Variants in RPSA2 observed in about 807,000 individuals in gnomAD.
The protein encoded by RPSA2 is ribosomal protein SA 2.
the RPSA2 span, among the ~76,000 whole-genome samples, chr19:23,768,789 T>A: frequency 2.7e-5 from 4 of 150,180 alleles, no homozygotes; most frequent in East Asian, 6.2e-4. Flanking sequence ...GGTTTCACCA[T>A]GTTGGCCAGG....
the RPSA2 span, among the ~76,000 whole-genome samples, chr19:23,851,468 T>A: frequency 0.015 from 2,358 of 152,250 alleles, 78 homozygotes; most frequent in African/African-American, 0.053. Flanking sequence ...ATGTGAAATA[T>A]AGAAAGGGTG....
chr19:23,807,466 T>C, the RPSA2 span, among the ~76,000 whole-genome samples: 1 of 152,348 alleles, frequency 6.6e-6, no homozygotes, highest in Admixed American at 6.5e-5. Flanking sequence ...CTATTTTGTC[T>C]GAAAAATGTA....
the RPSA2 span, among the ~76,000 whole-genome samples, chr19:23,858,798 C>A: frequency 6.6e-6 from 1 of 152,180 alleles, no homozygotes; most frequent in African/African-American, 2.4e-5. Flanking sequence ...GGCAAATGCT[C>A]CGTTTGCATA....
chr19:23,867,553 G>A, the RPSA2 span, among the ~76,000 whole-genome samples: 16 of 152,088 alleles, frequency 1.1e-4, no homozygotes, highest in East Asian at 1.9e-4. Flanking sequence ...GACTGGGGCC[G>A]GGTGCGGTGG....
chr19:23,853,190 C>T, the RPSA2 span, among the ~76,000 whole-genome samples: 13 of 152,174 alleles, frequency 8.5e-5, no homozygotes, highest in East Asian at 3.8e-4. Context: ...TTTCACAATA[C>T]GATTTATGTA....
chr19:23,846,870 G>A, the RPSA2 span, among the ~76,000 whole-genome samples: 1 of 152,186 alleles, frequency 6.6e-6, no homozygotes, highest in Middle Eastern at 3.2e-3. Context: ...TTCTGGTGGT[G>A]ATTGCTGAGC....
At chr19:23,833,276 ATAACT>A in the RPSA2 span, 5 of 825,256 alleles carry the variant, frequency 6.1e-6, no homozygotes, top group African/African-American at 1.8e-5. Flanking sequence ...TGCACATAAG[ATAACT>A]TATATTGAAG....
the RPSA2 span, among the ~76,000 whole-genome samples, chr19:23,761,901 A>ATCCATCC: frequency 8.2e-4 from 28 of 34,016 alleles, no homozygotes; most frequent in Non-Finnish European, 1.1e-3. Flanking sequence ...GGGTAACGTA[A>ATCCATCC]TTCTTTCTTT....
the RPSA2 span, among the ~76,000 whole-genome samples, chr19:23,774,328 A>G: frequency 6.6e-6 from 1 of 152,116 alleles, no homozygotes; most frequent in African/African-American, 2.4e-5. Flanking sequence ...ATTTCCACTC[A>G]TCATCAAAGT....
chr19:23,832,625 A>T, the RPSA2 span: 1 of 1,423,418 alleles, frequency 7.0e-7, no homozygotes, highest in Non-Finnish European at 9.4e-7. Flanking sequence ...TCATACTGGG[A>T]GAGACCCTAC....
chr19:23,846,107 TA>T, the RPSA2 span, among the ~76,000 whole-genome samples: 1 of 152,188 alleles, frequency 6.6e-6, no homozygotes, highest in Non-Finnish European at 1.5e-5. Flanking sequence ...TATTTCTTTT[TA>T]AAGTCTGTTT....
At chr19:23,778,093 T>C in the RPSA2 span, among the ~76,000 whole-genome samples, 1 of 152,168 alleles carries the variant, frequency 6.6e-6, no homozygotes, top group Non-Finnish European at 1.5e-5. Context: ...TTAAAAGACA[T>C]TGTGACATAT....
chr19:23,865,545 C>G, the RPSA2 span, among the ~76,000 whole-genome samples: 41 of 152,142 alleles, frequency 2.7e-4, no homozygotes, highest in Non-Finnish European at 4.4e-5. Flanking sequence ...GTTTCTGAGT[C>G]TCAAGAATTA....
At chr19:23,820,519 A>G in the RPSA2 span, among the ~76,000 whole-genome samples, 205 of 152,198 alleles carry the variant, frequency 1.3e-3, no homozygotes, top group African/African-American at 4.1e-3. Flanking sequence ...GGAGCAGTCA[A>G]TGCTGTCTGT....
At chr19:23,842,300 T>G in the RPSA2 span, among the ~76,000 whole-genome samples, 1 of 152,226 alleles carries the variant, frequency 6.6e-6, no homozygotes, top group Non-Finnish European at 1.5e-5. Flanking sequence ...GTTTATGCCA[T>G]AAGTTCTATG....
the RPSA2 span, among the ~76,000 whole-genome samples, chr19:23,776,783 G>T: frequency 1.3e-5 from 2 of 152,192 alleles, no homozygotes; most frequent in African/African-American, 2.4e-5. Flanking sequence ...AGAAAGCACT[G>T]TAACATTCAT....
At chr19:23,847,528 G>T in the RPSA2 span, among the ~76,000 whole-genome samples, 7 of 152,182 alleles carry the variant, frequency 4.6e-5, no homozygotes, top group East Asian at 1.2e-3. Flanking sequence ...AAGGGGAGGG[G>T]GTGTAAGAAC....
chr19:23,773,648 T>C, the RPSA2 span, among the ~76,000 whole-genome samples: 6,541 of 152,192 alleles, frequency 0.043, 209 homozygotes, highest in South Asian at 0.16. Context: ...CACATAAACA[T>C]AGCCTACTCT....
the RPSA2 span, among the ~76,000 whole-genome samples, chr19:23,759,267 A>T: frequency 6.6e-6 from 1 of 151,900 alleles, no homozygotes; most frequent in Non-Finnish European, 1.5e-5. Flanking sequence ...CATAGTCCCT[A>T]CCCCGACAGC....
Sources: gnomAD v4.1 joint callset for allele counts (sites outside exome capture counted in the v4.1 genomes callset) on GRCh38, gnomAD v4.1.1 for gene constraint, MANE v1.5 for transcripts, NCBI Gene and HGNC (gene_info 2026-07-23, HGNC 2026-07-21) for gene names.